Variants in GPC6 observed in about 807,000 individuals in gnomAD.
The protein encoded by GPC6 is glypican 6.
Under a neutral mutation model 55.2 loss-of-function variants are expected in GPC6, and 14 were observed. The observed-to-expected ratio is 0.25, with a 90% confidence interval of 0.17 to 0.40. The LOEUF (loss-of-function observed/expected upper bound fraction) is 0.40. Ranked by LOEUF, GPC6 falls within the 10% of genes least tolerant of loss-of-function variation. GPC6 has a pLI of 1.00. For missense variants in GPC6, 641 were observed against 708.5 expected, an observed-to-expected ratio of 0.90 and a Z score of 1.08; for synonymous variants, 278 against 259.6, an observed-to-expected ratio of 1.07 and a Z score of -0.68.
At chr13:93,395,249 C>T (rs1875802087) in intron 1 of GPC6, 2 of 448,128 alleles carry the variant, frequency 4.5e-6, no homozygotes, top group East Asian at 5.1e-5. Flanking sequence ...ACCACTTGCA[C>T]AACCACCACT....
At chr13:94,040,972 C>A (rs1310272896) in intron 4 of GPC6, among the ~76,000 whole-genome samples, 2 of 151,834 alleles carry the variant, frequency 1.3e-5, no homozygotes, top group Non-Finnish European at 2.9e-5. Flanking sequence ...CTTCTAAGTG[C>A]CTCACAATTG....
chr13:93,411,749 T>C (rs1594151166), intron 1 of GPC6, among the ~76,000 whole-genome samples: 1 of 151,990 alleles, frequency 6.6e-6, no homozygotes, highest in East Asian at 1.9e-4. Context: ...TCCTGTAATC[T>C]CAGCACTTTG....
intron 4 of GPC6, among the ~76,000 whole-genome samples, chr13:94,180,398 G>C (rs909063470): frequency 2.6e-5 from 4 of 152,148 alleles, no homozygotes; most frequent in African/African-American, 9.7e-5. Context: ...TTGATACTCT[G>C]CTTCAAATAT....
At chr13:94,099,156 C>T (rs929157028) in intron 4 of GPC6, among the ~76,000 whole-genome samples, 13 of 152,126 alleles carry the variant, frequency 8.5e-5, no homozygotes, top group African/African-American at 2.9e-4. Context: ...ATAGCAGACT[C>T]ATTGTAATAA....
chr13:93,807,614 A>G (rs957671952), intron 2 of GPC6, among the ~76,000 whole-genome samples: 3 of 152,200 alleles, frequency 2.0e-5, no homozygotes, highest in Admixed American at 1.3e-4. Flanking sequence ...TCCAGGGAAC[A>G]CACTTTGAGA....
At chr13:94,043,883 C>A (rs976203380) in intron 4 of GPC6, among the ~76,000 whole-genome samples, 1 of 151,622 alleles carries the variant, frequency 6.6e-6, no homozygotes, top group Non-Finnish European at 1.5e-5. Flanking sequence ...TAGTTATGTT[C>A]TTAGTTACTT....
At chr13:94,343,951 G>A (rs113082011) in intron 6 of GPC6, among the ~76,000 whole-genome samples, 5,275 of 152,106 alleles carry the variant, frequency 0.035, 173 homozygotes, top group African/African-American at 0.085. Flanking sequence ...GGCTGGTGTC[G>A]AACTCCTGGG....
At chr13:94,370,133 T>G (rs1020708877) in intron 6 of GPC6, among the ~76,000 whole-genome samples, 1 of 152,216 alleles carries the variant, frequency 6.6e-6, no homozygotes, top group African/African-American at 2.4e-5. Context: ...ATGGACAAAA[T>G]CATCCTGTTC....
chr13:93,893,219 G>A (rs558013770), intron 3 of GPC6, among the ~76,000 whole-genome samples: 18 of 151,866 alleles, frequency 1.2e-4, no homozygotes, highest in Non-Finnish European at 2.2e-4. Flanking sequence ...GCCACCACGC[G>A]TGGCTAATTT....
chr13:93,758,263 G>A (rs1884843593), intron 2 of GPC6, among the ~76,000 whole-genome samples: 1 of 152,170 alleles, frequency 6.6e-6, no homozygotes, highest in Non-Finnish European at 1.5e-5. Context: ...TGTCTGAGGT[G>A]CAACAGTTCA....
intron 2 of GPC6, among the ~76,000 whole-genome samples, chr13:93,811,137 A>G (rs578178877): frequency 3.9e-5 from 6 of 152,350 alleles, no homozygotes; most frequent in African/African-American, 1.4e-4. Context: ...TGGGGAAAGG[A>G]CAGTCACCCC....
intron 1 of GPC6, among the ~76,000 whole-genome samples, chr13:93,431,754 A>C (rs570265336): frequency 1.2e-4 from 19 of 152,320 alleles, no homozygotes; most frequent in African/African-American, 3.8e-4. Flanking sequence ...TTTGGCACGC[A>C]GAAAAAGATG....
intron 1 of GPC6, among the ~76,000 whole-genome samples, chr13:93,240,494 T>A (rs995194217): frequency 3.9e-5 from 6 of 152,078 alleles, no homozygotes; most frequent in African/African-American, 1.4e-4. Flanking sequence ...TGTGGAATAT[T>A]TTGTTCCACT....
At chr13:93,833,486 T>C (rs1887610033) in intron 3 of GPC6, among the ~76,000 whole-genome samples, 1 of 152,166 alleles carries the variant, frequency 6.6e-6, no homozygotes, top group African/African-American at 2.4e-5. Context: ...GGAGAAATGA[T>C]GACAGAAGAG....
intron 2 of GPC6, among the ~76,000 whole-genome samples, chr13:93,559,031 G>T (rs1166796361): frequency 2.0e-5 from 3 of 152,142 alleles, no homozygotes; most frequent in Non-Finnish European, 4.4e-5. Context: ...ATTCAGCAGT[G>T]GTTGTGGGGA....
chr13:93,504,256 A>T (rs1193835149), intron 1 of GPC6, among the ~76,000 whole-genome samples: 1 of 152,122 alleles, frequency 6.6e-6, no homozygotes, highest in African/African-American at 2.4e-5. Context: ...TTAAAAGTTG[A>T]TTTTCCCTTC....
intron 3 of GPC6, among the ~76,000 whole-genome samples, chr13:94,017,657 A>G (rs369641156): frequency 2.0e-4 from 31 of 152,132 alleles, no homozygotes; most frequent in African/African-American, 6.7e-4. Flanking sequence ...GTGAGCAGAG[A>G]GAGTTTTTAT....
At chr13:93,996,081 T>G (rs1325254171) in intron 3 of GPC6, among the ~76,000 whole-genome samples, 2 of 152,248 alleles carry the variant, frequency 1.3e-5, no homozygotes, top group Non-Finnish European at 2.9e-5. Flanking sequence ...GTTATTTTTC[T>G]GCAGTTATTT....
At chr13:94,155,722 A>T (rs922019542) in intron 4 of GPC6, among the ~76,000 whole-genome samples, 3 of 152,074 alleles carry the variant, frequency 2.0e-5, no homozygotes, top group African/African-American at 7.2e-5. Context: ...CCTGCTTTTA[A>T]CTCTTCAGTG....
Sources: allele counts gnomAD v4.1 joint callset (sites outside exome capture counted in the v4.1 genomes callset), GRCh38; gene constraint gnomAD v4.1.1; transcripts MANE v1.5; gene names NCBI Gene and HGNC (gene_info 2026-07-23, HGNC 2026-07-21).